Variants in PPFIA2 observed in about 807,000 individuals in gnomAD.
PPFIA2 encodes PPFI scaffold protein A2.
A neutral mutation model predicts 175.5 loss-of-function variants in PPFIA2; 46 were observed. The ratio of observed to expected loss-of-function variants is 0.26; its 90% CI spans 0.21 to 0.34. The LOEUF is 0.34. PPFIA2 is among the 10% of genes least tolerant of loss of function. The pLI, the probability that PPFIA2 is intolerant of heterozygous loss-of-function variation, is 1.00. For missense variants in PPFIA2, 1,179 were observed against 1,506.1 expected (o/e 0.78, Z 3.60); for synonymous variants, 568 against 511.4 (o/e 1.11, Z -1.49).
At chr12:81,395,620 C>T (rs1053508953) in intron 8 of PPFIA2, among the ~76,000 whole-genome samples, 3 of 152,020 alleles carry the variant, frequency 2.0e-5, no homozygotes, top group Non-Finnish European at 4.4e-5. Context: ...ATGTAATTGT[C>T]TCAAGATTCC....
chr12:81,497,530 CTTTTTTTTTTTTTTTTTTT>C (rs34030284), intron 4 of PPFIA2, among the ~76,000 whole-genome samples: 1 of 66,184 alleles, frequency 1.5e-5, no homozygotes, highest in Non-Finnish European at 3.0e-5. Flanking sequence ...TCATTGATGT[CTTTTTTTTTTTTTTTTTTT>C]TTTTTTTGGG....
At chr12:81,553,890 G>A (rs1205125699) in intron 4 of PPFIA2, among the ~76,000 whole-genome samples, 3 of 152,074 alleles carry the variant, frequency 2.0e-5, no homozygotes, top group Non-Finnish European at 4.4e-5. Flanking sequence ...TGATGGTGAT[G>A]ATGGAGTAGG....
chr12:81,347,992 G>T (rs2059359506), intron 17 of PPFIA2, among the ~76,000 whole-genome samples: 1 of 151,632 alleles, frequency 6.6e-6, no homozygotes, highest in Admixed American at 6.6e-5. Flanking sequence ...GTTTTCAAAT[G>T]ATACATTTTT....
At chr12:81,390,478 C>T (rs1238779402) in intron 8 of PPFIA2, among the ~76,000 whole-genome samples, 1 of 151,964 alleles carries the variant, frequency 6.6e-6, no homozygotes, top group African/African-American at 2.4e-5. Context: ...CTAGTGGGTG[C>T]AAAGTGATAT....
intron 4 of PPFIA2, among the ~76,000 whole-genome samples, chr12:81,502,012 T>G (rs905700265): frequency 6.6e-6 from 1 of 152,212 alleles, no homozygotes; most frequent in African/African-American, 2.4e-5. Flanking sequence ...CGTGCAGTTT[T>G]CGGAACACTT....
intron 13 of PPFIA2, among the ~76,000 whole-genome samples, chr12:81,367,569 A>G (rs1043872928): frequency 3.3e-5 from 5 of 151,722 alleles, no homozygotes; most frequent in African/African-American, 1.2e-4. Context: ...TGTCTGAAGA[A>G]AGAAGAAATC....
chr12:81,534,538 T>G lies in PPFIA2; in HGVS notation c.304-76672A>C, dbSNP rs543781079. Among the ~76,000 whole-genome samples, 4 of 151,836 alleles carry G rather than the reference T, an allele frequency of 2.6e-5. No homozygotes were observed. In the South Asian group the frequency reaches 6.2e-4, roughly 24 times the overall value. ...CCTCTTGGAAATTATACTGGTTTCT[T>G]TTTACTTTTCATTCTTTTAAAAAAG... is the stretch of plus-strand genomic sequence containing the variant. On this transcript the variant is annotated intron_variant, in intron 4 of 32. Transcript: ENST00000549396.
chr12:81,523,836 CT>C (rs1268577035), intron 4 of PPFIA2, among the ~76,000 whole-genome samples: 5 of 152,278 alleles, frequency 3.3e-5, no homozygotes, highest in Admixed American at 3.3e-4. Flanking sequence ...CACAGTCTTG[CT>C]TTTTTTACAT....
At chr12:81,679,548 T>A (rs1332987060) in intron 3 of PPFIA2, among the ~76,000 whole-genome samples, 1 of 151,854 alleles carries the variant, frequency 6.6e-6, no homozygotes, top group Non-Finnish European at 1.5e-5. Context: ...TGAGAAAAAA[T>A]GAGAAAGAAG....
At chr12:81,399,604 A>G (rs2041792840) in intron 8 of PPFIA2, among the ~76,000 whole-genome samples, 1 of 152,102 alleles carries the variant, frequency 6.6e-6, no homozygotes, top group South Asian at 2.1e-4. Context: ...TGGATAAGCC[A>G]TGGAAGATCC....
chr12:81,341,595 A>G (rs2058090067), intron 19 of PPFIA2, among the ~76,000 whole-genome samples: 2 of 152,102 alleles, frequency 1.3e-5, no homozygotes, highest in Non-Finnish European at 1.5e-5. Flanking sequence ...AAAGTTCATT[A>G]GCTATCATTA....
intron 3 of PPFIA2, among the ~76,000 whole-genome samples, chr12:81,709,976 T>C (rs2077682863): frequency 6.6e-6 from 1 of 152,202 alleles, no homozygotes; most frequent in South Asian, 2.1e-4. Flanking sequence ...CTTGGCCATA[T>C]TGAAATTATG....
chr12:81,335,020 A>T (rs1176187712), intron 21 of PPFIA2, among the ~76,000 whole-genome samples: 2 of 152,178 alleles, frequency 1.3e-5, no homozygotes, highest in Non-Finnish European at 2.9e-5. Context: ...GTTAGTTAAG[A>T]CTGCACCTAT....
At chr12:81,295,076 A>T in intron 23 of PPFIA2, 41 bp from the exon 24 acceptor site, 1 of 1,543,974 alleles carries the variant, frequency 6.5e-7, no homozygotes, top group Non-Finnish European at 8.8e-7. Context: ...TTATAATAAT[A>T]GTTATCATTT....
At chr12:81,350,887 C>G (rs747571648) in intron 17 of PPFIA2, among the ~76,000 whole-genome samples, 6 of 151,994 alleles carry the variant, frequency 3.9e-5, no homozygotes. Context: ...ACTGATTTAG[C>G]TAGACCCAGA....
At chr12:81,689,188 C>A (rs1017323145) in intron 3 of PPFIA2, among the ~76,000 whole-genome samples, 1 of 151,794 alleles carries the variant, frequency 6.6e-6, no homozygotes, top group African/African-American at 2.4e-5. Context: ...GAAAGGAAGT[C>A]TAATTTGGAA....
At chr12:81,758,154 C>G (rs2084975257) in intron 2 of PPFIA2, among the ~76,000 whole-genome samples, 1 of 152,154 alleles carries the variant, frequency 6.6e-6, no homozygotes, top group African/African-American at 2.4e-5. Flanking sequence ...CCCCCCACCA[C>G]CTTGAAGAAG....
At chr12:81,469,354 G>A (rs1291973121) in intron 4 of PPFIA2, among the ~76,000 whole-genome samples, 1 of 152,170 alleles carries the variant, frequency 6.6e-6, no homozygotes, top group Non-Finnish European at 1.5e-5. Flanking sequence ...GTGTACAATG[G>A]TGAAAAAGAC....
intron 25 of PPFIA2, among the ~76,000 whole-genome samples, chr12:81,283,784 C>T (rs1021185524): frequency 6.6e-6 from 1 of 151,986 alleles, no homozygotes; most frequent in Admixed American, 6.6e-5. Flanking sequence ...ATTAACATAA[C>T]ACTTTTTTGG....
Sources: allele counts gnomAD v4.1 joint callset (sites outside exome capture counted in the v4.1 genomes callset), GRCh38; gene constraint gnomAD v4.1.1; transcripts MANE v1.5; gene names NCBI Gene and HGNC (gene_info 2026-07-23, HGNC 2026-07-21).